The following SPOCK3 variants were observed in gnomAD, a reference collection of about 807,000 sequenced individuals.
The protein encoded by SPOCK3 is SPARC (osteonectin), cwcv and kazal like domains proteoglycan 3.
SPOCK3 carries 30 observed loss-of-function variants against 56.6 expected under a neutral mutation model. That is an observed-to-expected ratio of 0.53 (90% CI 0.40 to 0.72). The LOEUF (loss-of-function observed/expected upper bound fraction) is 0.72. Ranked by LOEUF, SPOCK3 falls within the 30% of genes least tolerant of loss-of-function variation. The pLI, the probability that SPOCK3 is intolerant of heterozygous loss-of-function variation, is 0.00. For missense variants in SPOCK3, 527 were observed against 530.0 expected (o/e 0.99, Z 0.06); for synonymous variants, 196 against 183.3 (o/e 1.07, Z -0.56).
chr4:166,855,780 G>T lies in SPOCK3; in HGVS notation c.589+33350C>A, dbSNP rs568813470. On this transcript the variant is annotated intron_variant, in intron 6 of 10. Transcript: ENST00000357545. The stretch of plus-strand genomic sequence containing the variant: ...TGTTTCTTGAGTTTCTGATTCATTA[G>T]GTGTGGGGAGGGGCCTGGAAATTTG... 2.6e-5 allele frequency among the ~76,000 whole-genome samples: 4 copies of T among 152,198 alleles called. No individual in the cohort carries two copies. The East Asian group carries it at 5.8e-4, about 22-fold the overall frequency.
intron 2 of SPOCK3, among the ~76,000 whole-genome samples, chr4:167,164,837 C>A (rs1344541103): frequency 1.3e-5 from 2 of 152,240 alleles, no homozygotes; most frequent in East Asian, 3.9e-4. Flanking sequence ...TCCAGTCTAT[C>A]ATTGATGGGC....
intron 4 of SPOCK3, among the ~76,000 whole-genome samples, chr4:166,984,461 T>G (rs2150099429): frequency 1.3e-5 from 2 of 152,278 alleles, no homozygotes; most frequent in African/African-American, 4.8e-5. Flanking sequence ...CATTAATACT[T>G]ACTCTTTTAA....
chr4:167,116,502 AT>A (rs1761350186), intron 2 of SPOCK3, among the ~76,000 whole-genome samples: 1 of 141,502 alleles, frequency 7.1e-6, no homozygotes, highest in Admixed American at 7.2e-5. Flanking sequence ...GTATATATAT[AT>A]ATACACAAAT....
chr4:166,979,972 T>A (rs1417019500), intron 4 of SPOCK3, among the ~76,000 whole-genome samples: 1 of 152,208 alleles, frequency 6.6e-6, no homozygotes, highest in Non-Finnish European at 1.5e-5. Context: ...CACATTCTTT[T>A]CTTCCTTAGG....
intron 2 of SPOCK3, among the ~76,000 whole-genome samples, chr4:167,212,411 T>A (rs993805760): frequency 6.6e-6 from 1 of 151,854 alleles, no homozygotes; most frequent in African/African-American, 2.4e-5. Flanking sequence ...CTGGCTACTT[T>A]TTGTATTTTT....
rs1741415619 is a variant in SPOCK3, at chr4:166,792,063, T to C, written c.709+107A>G. On this transcript the variant is annotated intron_variant, in intron 7 of 10. Transcript: ENST00000357545. ...ATAACGTTCTGATTTTTATTCAGTATATATGCAGTGAATAAATACTGAAAT... is the reference window on the plus strand; with the variant it reads ...ATAACGTTCTGATTTTTATTCAGTACATATGCAGTGAATAAATACTGAAAT... 3.4e-5 allele frequency: 44 copies of C among 1,283,730 alleles called. 2 individuals carry two copies. In the South Asian group the frequency reaches 5.5e-4, roughly 16 times the overall value. 79.5% of individuals were successfully genotyped at this position (1,283,730 alleles called of 1,614,324 possible).
At chr4:166,804,653 G>T (rs1472222557) in intron 6 of SPOCK3, among the ~76,000 whole-genome samples, 2 of 152,020 alleles carry the variant, frequency 1.3e-5, no homozygotes, top group Non-Finnish European at 2.9e-5. Context: ...GCTTCTTGTG[G>T]AATCTTAAAT....
intron 5 of SPOCK3, among the ~76,000 whole-genome samples, chr4:166,899,508 C>CTTTTTT (rs781766258): frequency 0.017 from 2,064 of 119,028 alleles, 82 homozygotes; most frequent in Admixed American, 0.025. Context: ...TTCTTTCTTT[C>CTTTTTT]TTTTTTTTTT....
At chr4:167,187,837 T>C (rs1432192820) in intron 2 of SPOCK3, among the ~76,000 whole-genome samples, 1 of 152,150 alleles carries the variant, frequency 6.6e-6, no homozygotes, top group Non-Finnish European at 1.5e-5. Context: ...CAGAGGACAT[T>C]TGCTATGCAA....
chr4:167,144,284 T>C (rs911327647), intron 2 of SPOCK3, among the ~76,000 whole-genome samples: 8 of 152,014 alleles, frequency 5.3e-5, no homozygotes, highest in Non-Finnish European at 1.0e-4. Flanking sequence ...TTATTAGAAA[T>C]AACTTCTCAA....
intron 10 of SPOCK3, 138 bp downstream of exon 10, chr4:166,737,328 TG>T: frequency 1.2e-6 from 1 of 845,340 alleles, no homozygotes; most frequent in Non-Finnish European, 1.7e-6. Context: ...AAGTTTTTTT[TG>T]TCACTCCCTC....
chr4:167,224,655 A>C (rs947480074), intron 2 of SPOCK3, among the ~76,000 whole-genome samples: 60 of 152,158 alleles, frequency 3.9e-4, no homozygotes, highest in African/African-American at 1.4e-3. Flanking sequence ...ATAAAAAAGT[A>C]CTTAAACTTT....
chr4:167,152,102 G>A (rs1764473445), intron 2 of SPOCK3, among the ~76,000 whole-genome samples: 1 of 152,174 alleles, frequency 6.6e-6, no homozygotes, highest in African/African-American at 2.4e-5. Flanking sequence ...TCTAAAAAGT[G>A]AGATAAGGTA....
At position 167,145,432 on chromosome 4, in the gene SPOCK3, G is replaced by A. The variant is rs189870184; in HGVS notation, c.190-82895C>T. 5.3e-5 allele frequency among the ~76,000 whole-genome samples: 8 copies of A among 152,150 alleles called. No individual in the cohort carries two copies. The East Asian group carries it at 1.5e-3, about 29-fold the overall frequency. ...TTTTTTAAGCCATGGGGCTGAACAG[G>A]TTCGGCTGATCAGGGTCACCAAGGA... On this transcript the variant is annotated intron_variant, in intron 2 of 10. Coordinates refer to ENST00000357545, the MANE Select transcript of SPOCK3 (RefSeq NM_001040159.2).
intron 7 of SPOCK3, among the ~76,000 whole-genome samples, chr4:166,766,931 C>T (rs1353277012): frequency 6.6e-6 from 1 of 151,900 alleles, no homozygotes; most frequent in East Asian, 1.9e-4. Context: ...GTGTATTTGT[C>T]GAGGAATTTA....
intron 4 of SPOCK3, among the ~76,000 whole-genome samples, chr4:166,983,791 C>G (rs1349141758): frequency 6.6e-6 from 1 of 151,922 alleles, no homozygotes; most frequent in Non-Finnish European, 1.5e-5. Flanking sequence ...AGTTATCTCT[C>G]GATTGAATTA....
At chr4:166,998,120 T>C (rs1445021526) in intron 4 of SPOCK3, among the ~76,000 whole-genome samples, 1 of 152,170 alleles carries the variant, frequency 6.6e-6, no homozygotes, top group Middle Eastern at 3.2e-3. Flanking sequence ...AAATAAAGCA[T>C]ATCAAATATT....
chr4:166,925,127 A>C (rs889508476), intron 4 of SPOCK3, among the ~76,000 whole-genome samples: 1 of 152,218 alleles, frequency 6.6e-6, no homozygotes, highest in Non-Finnish European at 1.5e-5. Context: ...AAGCATGCTT[A>C]TAGAACAGGC....
At chr4:166,745,840 G>T (rs1033823756) in intron 8 of SPOCK3, among the ~76,000 whole-genome samples, 3 of 152,148 alleles carry the variant, frequency 2.0e-5, no homozygotes, top group African/African-American at 4.8e-5. Context: ...TGCAATCCTA[G>T]TCTCTGATAA....
Sources: allele counts gnomAD v4.1 joint callset (sites outside exome capture counted in the v4.1 genomes callset), GRCh38; gene constraint gnomAD v4.1.1; transcripts MANE v1.5; gene names NCBI Gene and HGNC (gene_info 2026-07-23, HGNC 2026-07-21).